CLEC9A: variants seen among roughly 807,000 people sequenced by gnomAD.
CLEC9A encodes the protein C-type lectin domain containing 9A.
In CLEC9A, 24 loss-of-function variants were observed where a neutral mutation model predicts 30.0. That is an observed-to-expected ratio of 0.80 (90% CI 0.58 to 1.13). CLEC9A has a LOEUF of 1.13. CLEC9A is among the 50% of genes most tolerant of loss of function. CLEC9A has a pLI of 0.00. For synonymous variants in CLEC9A, 111 were observed against 96.8 expected (o/e 1.15, Z -0.86); for missense variants, 251 against 280.9 (o/e 0.89, Z 0.76).
intron 2 of CLEC9A, among the ~76,000 whole-genome samples, chr12:10,044,828 C>A (rs941149668): frequency 6.6e-6 from 1 of 152,180 alleles, no homozygotes; most frequent in East Asian, 1.9e-4. Flanking sequence ...GGCTTTCTTG[C>A]CTTTCTGTAC....
At position 10,046,263 on chromosome 12, in the gene CLEC9A, T is replaced by C. The variant is rs149840345; in HGVS notation, c.-163+4643T>C. 4.0e-3 allele frequency among the ~76,000 whole-genome samples: 602 copies of C among 152,328 alleles called. 1 individual carries two copies. The highest frequency in any genetic ancestry group is 8.6e-3 in the Admixed American group (132 of 15,300). The stretch of plus-strand genomic sequence containing the variant: ...GAACAGGCACTGTGACTTTTGCATT[T>C]ACTATTGTATTACCATCGCCAACCC... On this transcript the variant is annotated intron_variant, in intron 2 of 8. Transcript: ENST00000355819.
intron 8 of CLEC9A, 41 bp downstream of exon 8, chr12:10,064,894 A>T: frequency 6.3e-7 from 1 of 1,592,770 alleles, no homozygotes; most frequent in Non-Finnish European, 8.5e-7. Flanking sequence ...AGTTAGAAAC[A>T]TGAGGGAATT....
chr12:10,054,355 A>G lies in CLEC9A; in HGVS notation c.172+4A>G. On this transcript the variant is annotated splice_donor_region_variant and intron_variant, in intron 5 of 8. Coordinates refer to ENST00000355819, the MANE Select transcript of CLEC9A (RefSeq NM_207345.4). ...TCCATTTTCTTGGGCGTCAAGTGTA[A>G]GTACTAAAAGATATTTTCAAAATAT... The G allele has an allele frequency of 6.3e-7, 1 of 1,581,386 alleles. No individual in the cohort carries two copies. The highest frequency in any genetic ancestry group is 1.7e-5 in the Admixed American group (1 of 57,166).
chr12:10,050,123 C>T (rs761905005), intron 2 of CLEC9A, among the ~76,000 whole-genome samples: 3 of 152,164 alleles, frequency 2.0e-5, no homozygotes, highest in Non-Finnish European at 4.4e-5. Flanking sequence ...GTTGGTGGAA[C>T]AGTCAGAACA....
intron 1 of CLEC9A, among the ~76,000 whole-genome samples, 183 bp downstream of exon 1, chr12:10,031,155 G>T (rs1426283922): frequency 6.6e-6 from 1 of 152,210 alleles, no homozygotes; most frequent in African/African-American, 2.4e-5. Context: ...ATATATTTAA[G>T]AAATAATGAA....
chr12:10,040,577 A>C (rs1865785373), intron 1 of CLEC9A, among the ~76,000 whole-genome samples: 1 of 151,590 alleles, frequency 6.6e-6, no homozygotes, highest in African/African-American at 2.4e-5. Context: ...CAGCCTCCCG[A>C]GTAGCGGGGA....
intron 2 of CLEC9A, chr12:10,045,510 G>A (rs565511101): frequency 5.7e-5 from 14 of 243,746 alleles, no homozygotes; most frequent in African/African-American, 3.2e-4. Flanking sequence ...AGATGGAAAA[G>A]GAAATATGAA....
At chr12:10,050,058 T>C (rs1280999454) in intron 2 of CLEC9A, among the ~76,000 whole-genome samples, 2 of 152,136 alleles carry the variant, frequency 1.3e-5, no homozygotes, top group Non-Finnish European at 1.5e-5. Flanking sequence ...TATTGTTAGG[T>C]CTCAGGGAAT....
At chr12:10,052,368 T>C (rs1326788116) in intron 3 of CLEC9A, 1 of 352,894 alleles carries the variant, frequency 2.8e-6, no homozygotes, top group Non-Finnish European at 4.3e-6. Context: ...TACATCTTTT[T>C]CTTCTGAACT....
intron 1 of CLEC9A, among the ~76,000 whole-genome samples, chr12:10,037,616 G>A (rs1475318541): frequency 6.6e-6 from 1 of 152,132 alleles, no homozygotes; most frequent in African/African-American, 2.4e-5. Flanking sequence ...GGAAACTGGA[G>A]GACCCAGGAA....
chr12:10,040,533 T>A (rs1331875934), intron 1 of CLEC9A, among the ~76,000 whole-genome samples: 1 of 151,572 alleles, frequency 6.6e-6, no homozygotes, highest in Non-Finnish European at 1.5e-5. Flanking sequence ...TCACTGTAAG[T>A]TCCGCCTCCC....
At chr12:10,056,058 CAAAAA>C (rs58274495) in intron 5 of CLEC9A, among the ~76,000 whole-genome samples, 3 of 47,536 alleles carry the variant, frequency 6.3e-5, no homozygotes, top group African/African-American at 9.8e-5. Flanking sequence ...GACTCTGTCT[CAAAAA>C]AAAAAAAAAA....
At chr12:10,042,747 T>C (rs1437788764) in intron 2 of CLEC9A, among the ~76,000 whole-genome samples, 1 of 152,200 alleles carries the variant, frequency 6.6e-6, no homozygotes. Context: ...TATGTACTCC[T>C]TTACTCAACT....
chr12:10,055,784 T>C (rs1865936783), intron 5 of CLEC9A, among the ~76,000 whole-genome samples: 1 of 151,744 alleles, frequency 6.6e-6, no homozygotes, highest in African/African-American at 2.4e-5. Flanking sequence ...AGGCCAGGCG[T>C]GGTGGCTCAT....
At chr12:10,048,102 G>C (rs1464409142) in intron 2 of CLEC9A, among the ~76,000 whole-genome samples, 2 of 138,614 alleles carry the variant, frequency 1.4e-5, no homozygotes, top group Admixed American at 1.4e-4. Flanking sequence ...GCGCGGTGGC[G>C]GGCGCCTGTA....
intron 2 of CLEC9A, among the ~76,000 whole-genome samples, chr12:10,051,626 T>C (rs996670517): frequency 2.6e-5 from 4 of 152,158 alleles, no homozygotes; most frequent in African/African-American, 9.7e-5. Flanking sequence ...ATGAATCCAG[T>C]GAGATACTGA....
intron 2 of CLEC9A, among the ~76,000 whole-genome samples, chr12:10,046,505 T>G (rs889067090): frequency 1.3e-5 from 2 of 152,194 alleles, no homozygotes; most frequent in Non-Finnish European, 2.9e-5. Context: ...TTTATTTAGG[T>G]CTTTTCCTAA....
At chr12:10,050,970 C>T (rs566741745) in intron 2 of CLEC9A, among the ~76,000 whole-genome samples, 155 of 152,154 alleles carry the variant, frequency 1.0e-3, no homozygotes, top group Non-Finnish European at 1.8e-3. Context: ...TTTGGGAGGC[C>T]GAGGAAGGCG....
At chr12:10,054,854 A>C (rs1865925838) in intron 5 of CLEC9A, among the ~76,000 whole-genome samples, 1 of 152,210 alleles carries the variant, frequency 6.6e-6, no homozygotes, top group South Asian at 2.1e-4. Flanking sequence ...AATTTTTATA[A>C]AATATAATAA....
Sources: allele counts gnomAD v4.1 joint callset (sites outside exome capture counted in the v4.1 genomes callset), GRCh38; gene constraint gnomAD v4.1.1; transcripts MANE v1.5; gene names NCBI Gene and HGNC (gene_info 2026-07-23, HGNC 2026-07-21).